DSCAM: variants seen among roughly 807,000 people sequenced by gnomAD.
The protein encoded by DSCAM is cell adhesion molecule DSCAM.
In DSCAM, 47 loss-of-function variants were observed where a neutral mutation model predicts 217.7. The observed-to-expected ratio is 0.22, with a 90% CI of 0.17 to 0.28. DSCAM has a LOEUF of 0.28. DSCAM is among the 10% of genes least tolerant of loss of function. The probability of loss-of-function intolerance (pLI) is 1.00; values close to 1 mark genes in which losing one functional copy is unlikely to be tolerated. For missense variants in DSCAM, 2,080 were observed against 2,618.3 expected (o/e 0.79, Z 4.49); for synonymous variants, 1,056 against 1,015.3 (o/e 1.04, Z -0.76).
At chr21:40,661,717 A>T (rs1254954364) in intron 3 of DSCAM, among the ~76,000 whole-genome samples, 1 of 152,114 alleles carries the variant, frequency 6.6e-6, no homozygotes, top group Non-Finnish European at 1.5e-5. Context: ...TTCTAGAAAG[A>T]CTTCAGGCAG....
At chr21:40,829,107 CT>C (rs1376706718) in intron 1 of DSCAM, among the ~76,000 whole-genome samples, 1 of 152,192 alleles carries the variant, frequency 6.6e-6, no homozygotes, top group African/African-American at 2.4e-5. Context: ...TCAACCACCC[CT>C]ATAACTGAAT....
intron 3 of DSCAM, among the ~76,000 whole-genome samples, chr21:40,474,868 C>T (rs774344816): frequency 1.3e-5 from 2 of 152,098 alleles, no homozygotes; most frequent in African/African-American, 4.8e-5. Context: ...ACGAGAACTG[C>T]GAGGGAGCCC....
intron 1 of DSCAM, among the ~76,000 whole-genome samples, chr21:40,736,521 G>A (rs1035638464): frequency 2.6e-5 from 4 of 152,126 alleles, no homozygotes; most frequent in Admixed American, 6.6e-5. Flanking sequence ...TATCCACAGG[G>A]TTGATTTCTT....
intron 1 of DSCAM, among the ~76,000 whole-genome samples, chr21:40,822,318 CAAAAAAAAAAA>C (rs61569827): frequency 8.6e-5 from 5 of 57,846 alleles, no homozygotes; most frequent in East Asian, 6.7e-4. Context: ...GATCTTTTCT[CAAAAAAAAAAA>C]AAAAAAAAAA....
intron 6 of DSCAM, among the ~76,000 whole-genome samples, chr21:40,347,385 T>C (rs1037280796): frequency 1.2e-4 from 18 of 152,158 alleles, no homozygotes; most frequent in Non-Finnish European, 1.8e-4. Flanking sequence ...CTGTTAAGTG[T>C]CAAGTTTCTT....
At chr21:40,403,158 A>T (rs1387771010) in intron 3 of DSCAM, among the ~76,000 whole-genome samples, 1 of 152,248 alleles carries the variant, frequency 6.6e-6, no homozygotes, top group African/African-American at 2.4e-5. Flanking sequence ...TAGAAAGGAC[A>T]TAATTATTAA....
chr21:40,460,422 C>T (rs1053008147), intron 3 of DSCAM, among the ~76,000 whole-genome samples: 2 of 151,960 alleles, frequency 1.3e-5, no homozygotes, highest in Non-Finnish European at 2.9e-5. Context: ...TTTTCTGTAG[C>T]CTAAGATAGC....
rs781395840 is a variant in DSCAM, at chr21:40,189,095, G to C, written c.2500C>G (p.Arg834Gly). 1.9e-6 allele frequency: 3 copies of C among 1,614,056 alleles called. No homozygotes were observed. In the South Asian group the frequency reaches 3.3e-5, roughly 18 times the overall value. ...EDRIINPEMA[R>G]YLVSTKEVGE... Reference sequence around the variant, plus strand: ...ACCTCCTTGGTGGACACAAGATAACGGGCCATCTCAGGGTTAATGATTCGG... The same window carrying C: ...ACCTCCTTGGTGGACACAAGATAACCGGCCATCTCAGGGTTAATGATTCGG... Residue 834 changes from arginine (R) to glycine (G), a missense_variant, in exon 12 of 33, where the codon CGT (arginine) becomes GGT (glycine). Physicochemically the swap from Arg to Gly is moderately radical, Grantham distance 125 (BLOSUM62 -2). Transcript: ENST00000400454.
At chr21:40,283,817 C>T (rs1011133817) in intron 10 of DSCAM, among the ~76,000 whole-genome samples, 1 of 152,160 alleles carries the variant, frequency 6.6e-6, no homozygotes, top group Admixed American at 6.6e-5. Flanking sequence ...GTATAAATGC[C>T]TGCATGCAAG....
intron 16 of DSCAM, among the ~76,000 whole-genome samples, chr21:40,165,942 C>A (rs1213537835): frequency 6.6e-6 from 1 of 151,966 alleles, no homozygotes; most frequent in Non-Finnish European, 1.5e-5. Flanking sequence ...ACCAATGACA[C>A]CACCTCCCAC....
chr21:40,443,407 A>T (rs1470822180), intron 3 of DSCAM, among the ~76,000 whole-genome samples: 1 of 152,174 alleles, frequency 6.6e-6, no homozygotes, highest in Admixed American at 6.5e-5. Context: ...ATTAAAGAGA[A>T]TGTTCATATG....
At chr21:40,124,076 C>T in intron 20 of DSCAM, 119 bp downstream of exon 20, 1 of 1,439,096 alleles carries the variant, frequency 6.9e-7, no homozygotes, top group Non-Finnish European at 9.5e-7. Context: ...AGGGGCAAAA[C>T]AAAACCACTG....
chr21:40,201,395 G>A (rs566838295), intron 11 of DSCAM, among the ~76,000 whole-genome samples: 9 of 150,460 alleles, frequency 6.0e-5, no homozygotes, highest in Admixed American at 5.9e-4. Context: ...TTTTCCATCT[G>A]TCTGGTTCTG....
intron 3 of DSCAM, among the ~76,000 whole-genome samples, chr21:40,676,540 TTTGC>T (rs1484580084): frequency 1.3e-5 from 2 of 152,186 alleles, no homozygotes; most frequent in African/African-American, 2.4e-5. Flanking sequence ...TGTTCTTTTG[TTTGC>T]TTGTTTTTTT....
At chr21:40,102,146 A>C (rs2089760027) in intron 20 of DSCAM, among the ~76,000 whole-genome samples, 1 of 152,232 alleles carries the variant, frequency 6.6e-6, no homozygotes, top group African/African-American at 2.4e-5. Context: ...ACTAAAATTT[A>C]GATATAAACT....
intron 19 of DSCAM, among the ~76,000 whole-genome samples, chr21:40,129,497 T>C (rs2090133016): frequency 6.6e-6 from 1 of 152,214 alleles, no homozygotes; most frequent in Non-Finnish European, 1.5e-5. Flanking sequence ...AGTCTCCCAC[T>C]GGGCCTCTTG....
At chr21:40,448,183 A>G (rs2075690199) in intron 3 of DSCAM, among the ~76,000 whole-genome samples, 1 of 152,222 alleles carries the variant, frequency 6.6e-6, no homozygotes, top group Admixed American at 6.5e-5. Flanking sequence ...GTGTCTGTGA[A>G]GCGAGGATGT....
chr21:40,717,042 A>G (rs1352378275), intron 1 of DSCAM, among the ~76,000 whole-genome samples: 1 of 152,238 alleles, frequency 6.6e-6, no homozygotes, highest in Non-Finnish European at 1.5e-5. Flanking sequence ...ATATTAGGAC[A>G]TTGAGTTGTC....
intron 16 of DSCAM, among the ~76,000 whole-genome samples, chr21:40,145,467 C>T (rs75034311): frequency 0.079 from 11,977 of 151,950 alleles, 817 homozygotes; most frequent in African/African-American, 0.19. Flanking sequence ...CTAACTCCAC[C>T]CTGCTGATGT....
Sources: gnomAD v4.1 joint callset for allele counts (sites outside exome capture counted in the v4.1 genomes callset) on GRCh38, gnomAD v4.1.1 for gene constraint, MANE v1.5 for transcripts, NCBI Gene and HGNC (gene_info 2026-07-23, HGNC 2026-07-21) for gene names.